TTN: variants seen among roughly 807,000 people sequenced by gnomAD.
The protein encoded by TTN is connectin.
Under a neutral mutation model 3,223.0 loss-of-function variants are expected in TTN, and 1,525 were observed. The observed-to-expected ratio is 0.47, with a 90% CI of 0.45 to 0.49. TTN has a LOEUF of 0.49. Ranked by LOEUF, TTN falls within the 20% of genes least tolerant of loss-of-function variation. The pLI is 0.00. For missense variants in TTN, 40,786 were observed against 43,424.0 expected (o/e 0.94, Z 5.40); for synonymous variants, 14,094 against 15,161.0 (o/e 0.93, Z 5.17).
chr2:178,686,868 G>A (rs1388357377), intron 127 of TTN, among the ~76,000 whole-genome samples: 1 of 152,216 alleles, frequency 6.6e-6, no homozygotes, highest in Non-Finnish European at 1.5e-5. Context: ...AGTACTACAG[G>A]AAGTTTATAG....
rs1027065276 is a variant in TTN, at chr2:178,601,616, A to G, written c.55432+42T>C. 3.8e-6 allele frequency: 6 copies of G among 1,582,604 alleles called. No individual in the cohort carries two copies. In the African/African-American group the frequency reaches 5.5e-5, roughly 14 times the overall value. ...CAACGTTCCTTAAATGCTTAAAAAT[A>G]ATTTGTTTTTATTCTGTAGCAACTT... is the stretch of plus-strand genomic sequence containing the variant. On this transcript the variant is annotated intron_variant, in intron 286 of 362. Transcript: ENST00000589042.
At chr2:178,546,557 A>G in intron 341 of TTN, 43 bp downstream of exon 341, 1 of 1,593,854 alleles carries the variant, frequency 6.3e-7, no homozygotes, top group Non-Finnish European at 8.6e-7. Context: ...TTTTCACATA[A>G]ATTGAGATAA....
Position 178,617,005 on chromosome 2 carries a change from T to C in TTN, c.47884A>G (p.Thr15962Ala), listed in dbSNP as rs138035331. The stretch of plus-strand genomic sequence containing the variant: ...TCTTTAAATGCACTTAAATCCATTG[T>C]TGGTTCAACTACAAAGAAGAAAAGT... ...LTADDAFVEP[T>A]MDLSAFKDGL... Residue 15962 changes from threonine to alanine, a missense_variant, in exon 256 of 363, where the codon ACA becomes GCA. Coordinates refer to ENST00000589042, the MANE Select transcript of TTN (RefSeq NM_001267550.2). 1.3e-5 allele frequency: 21 copies of C among 1,612,390 alleles called. No homozygotes were observed. The East Asian group carries it at 4.5e-4, about 34-fold the overall frequency.
chr2:178,680,104 A>C, intron 139 of TTN, 49 bp from the exon 140 acceptor site: 1 of 1,602,070 alleles, frequency 6.2e-7, no homozygotes, highest in African/African-American at 1.4e-5. Context: ...GACTCAACAA[A>C]ATTAAGACAC....
At position 178,564,399 on chromosome 2, in the gene TTN, C is replaced by G. The variant is rs777316227; in HGVS notation, c.81733G>C (p.Val27245Leu). The change falls in exon 326 of 363, where the codon GTA becomes CTA. Residue 27245 changes from valine to leucine, a missense_variant. By Grantham distance (32) the Val-to-Leu change is conservative (BLOSUM62 1). Coordinates refer to ENST00000589042, the MANE Select transcript of TTN (RefSeq NM_001267550.2). ...LVEDQRYEFR[V>L]IARNAAGNFS... ...TTTCCAGCTGCATTTCTTGCAATTA[C>G]TCTAAATTCATATCTTTGGTCTTCT... 9.3e-6 allele frequency: 15 copies of G among 1,613,570 alleles called. No homozygotes were observed. The highest frequency in any genetic ancestry group is 1.3e-5 in the Non-Finnish European group (15 of 1,179,736).
At chr2:178,542,973 T>G in intron 347 of TTN, 24 bp from the exon 348 acceptor site, 1 of 1,562,314 alleles carries the variant, frequency 6.4e-7, no homozygotes, top group South Asian at 1.2e-5. Context: ...ATCAGGCATT[T>G]ATTCTTAAGC....
At chr2:178,638,464 A>T (rs1019441130) in intron 223 of TTN, among the ~76,000 whole-genome samples, 8 of 151,490 alleles carry the variant, frequency 5.3e-5, no homozygotes, top group Non-Finnish European at 1.2e-4. Flanking sequence ...AAATTAAATT[A>T]AAAAATTTCT....
rs754037471 is a variant in TTN at position 178,548,385 on chromosome 2, C to G, written c.93241G>C (p.Ala31081Pro). The change falls in exon 339 of 363, where the codon GCC becomes CCC. Residue 31081 changes from alanine (A) to proline (P), a missense_variant. Transcript: ENST00000589042. This position sits in a 1 kb window ranked among gnomAD's most constrained non-coding sequence, Gnocchi z 4.3. ...CGGAAATAGTACGGAACACCTTCGG[C>G]CAGGTCATTGACCTTGAAGATCTGA... ...TRQIFKVNDL[A>P]EGVPYYFRVS... 6.2e-7 allele frequency: 1 copy of G among 1,613,834 alleles called. No individual in the cohort carries two copies. The highest frequency in any genetic ancestry group is 1.1e-5 in the South Asian group (1 of 91,074).
In TTN at chr2:178,718,482, C is replaced by T. The variant is rs755684790; in HGVS notation, c.24624G>A (p.Glu8208=). The change falls in exon 85 of 363, where the codon GAG becomes GAA. Residue 8208 remains glutamate, a synonymous_variant. Transcript: ENST00000589042. ...PPISVSWIKD[E]YLISQSERCS... is the part of the protein sequence containing the mutation. ...ATCTCTCAGATTGTGAAATAAGATA[C>T]TCGTCCTTTATCCAGCTCACTGAGA... 6.2e-7 allele frequency: 1 copy of T among 1,613,698 alleles called. No individual in the cohort carries two copies. Among genetic ancestry groups the T allele is most frequent in the South Asian group, 1.1e-5 (1 of 91,080 alleles).
intron 22 of TTN, 30 bp from the exon 23 acceptor site, chr2:178,779,492 A>G (rs1269453416): frequency 7.7e-7 from 1 of 1,305,120 alleles, no homozygotes; most frequent in African/African-American, 1.5e-5. Flanking sequence ...TCTGTTAAAA[A>G]TACATATCCT....
In TTN at chr2:178,567,861, G is replaced by A; in HGVS notation, c.78271C>T (p.Pro26091Ser). ...ECYVARDPCD[P>S]PGTPEPIMVK... ...ATTATTGGTTCTGGGGTTCCTGGTG[G>A]GTCACAGGGATCTCTGGCTACATAG... is the stretch of plus-strand genomic sequence containing the variant. The change falls in exon 326 of 363, where the codon CCA becomes TCA. Residue 26091 changes from proline (P) to serine (S), a missense_variant. Physicochemically the swap from Pro to Ser is moderately conservative, Grantham distance 74. Coordinates refer to ENST00000589042, the MANE Select transcript of TTN (RefSeq NM_001267550.2). 6.2e-7 allele frequency: 1 copy of A among 1,613,372 alleles called. No individual in the cohort carries two copies. The highest frequency in any genetic ancestry group is 8.5e-7 in the Non-Finnish European group (1 of 1,179,570).
intron 316 of TTN, among the ~76,000 whole-genome samples, chr2:178,581,205 C>CT (rs1192507868): frequency 6.6e-6 from 1 of 151,964 alleles, no homozygotes. Context: ...TAAAAGGCCT[C>CT]TTTATTCCTA....
In TTN at chr2:178,715,598, C is replaced by T. The variant is rs1453874617; in HGVS notation, c.25816G>A (p.Val8606Met). 1 of 1,613,664 alleles carries T rather than the reference C, an allele frequency of 6.2e-7. No homozygotes were observed. The highest frequency in any genetic ancestry group is 2.2e-5 in the East Asian group (1 of 44,864). The change falls in exon 89 of 363, where the codon GTG becomes ATG. Residue 8606 changes from valine to methionine, a missense_variant. By Grantham distance (21) the Val-to-Met change is conservative. Coordinates refer to ENST00000589042, the MANE Select transcript of TTN (RefSeq NM_001267550.2). ...FRMSFVDSVA[V>M]LEMHNLSVED... is the part of the protein sequence containing the mutation. ...ACACTGAGATTGTGCATTTCCAGCA[C>T]AGCCACCGAGTCAACGAATGACATT...
In TTN at chr2:178,782,602, A is replaced by C. The variant is rs374667907; in HGVS notation, c.3101T>G (p.Val1034Gly). Reference sequence around the variant, plus strand: ...GGTTTCCTTTTCAAATTCTTCTGACACTAAAAGAAGACAAAAGTTTCTCAT... The same window carrying C: ...GGTTTCCTTTTCAAATTCTTCTGACCCTAAAAGAAGACAAAAGTTTCTCAT... The part of the protein sequence containing the change: ...VSTSCYLAVQ[V>G]SEEFEKETTA... Residue 1034 changes from valine to glycine, a missense_variant and splice_region_variant, in exon 19 of 363, where the codon GTG (valine) becomes GGG (glycine). Val to Gly is a moderately radical substitution (Grantham distance 109). Coordinates refer to ENST00000589042, the MANE Select transcript of TTN (RefSeq NM_001267550.2). The C allele has an allele frequency of 6.2e-7, 1 of 1,613,946 alleles. No homozygotes were observed. The highest frequency in any genetic ancestry group is 1.3e-5 in the African/African-American group (1 of 75,058).
Position 178,725,432 on chromosome 2 carries a change from C to G in TTN, c.20772G>C (p.Lys6924Asn). The G allele has an allele frequency of 6.2e-7, 1 of 1,611,670 alleles. No homozygotes were observed. Among genetic ancestry groups the G allele is most frequent in the Non-Finnish European group, 8.5e-7 (1 of 1,178,708 alleles). ...FAKAEPANAG[K>N]YICQIKNDGG... The stretch of plus-strand genomic sequence containing the variant: ...CATCATTCTTGATTTGGCAGATATA[C>G]TTTCCAGCATTAGCTGGCTCTGCTT... Residue 6924 changes from lysine (K) to asparagine (N), a missense_variant, in exon 71 of 363, where the codon AAG (lysine) becomes AAC (asparagine). By Grantham distance (94) the Lys-to-Asn change is moderately conservative. Transcript: ENST00000589042.
At position 178,790,692 on chromosome 2, in the gene TTN, G is replaced by A. The variant is rs754460012; in HGVS notation, c.1800+16C>T. ...ATGGTGCAAGAGTGACTTTCACATT[G>A]GCAGGAAGTCATCACCTTTTCATAA... On this transcript the variant is annotated intron_variant, in intron 11 of 362. Coordinates refer to ENST00000589042, the MANE Select transcript of TTN (RefSeq NM_001267550.2). 2 of 1,613,916 alleles carry A rather than the reference G, an allele frequency of 1.2e-6. No individual in the cohort carries two copies. The highest frequency in any genetic ancestry group is 3.3e-5 in the Admixed American group (2 of 59,996).
chr2:178,710,846 C>G lies in TTN; in HGVS notation c.28251G>C (p.Glu9417Asp), dbSNP rs773169301. 5 of 1,613,748 alleles carry G rather than the reference C, an allele frequency of 3.1e-6. No homozygotes were observed. In the East Asian group the frequency reaches 1.1e-4, roughly 36 times the overall value. ...DAVVGESADF[E>D]CHVTGTQPIK... ...TCGGTTGTGTGCCCGTGACGTGGCA[C>G]TCAAAGTCAGCACTTTCTCCCACCA... is the stretch of plus-strand genomic sequence containing the variant. The change falls in exon 98 of 363, where the codon GAG (glutamate) becomes GAC (aspartate). Residue 9417 changes from glutamate (E) to aspartate (D), a missense_variant. Glu to Asp is a conservative substitution (Grantham distance 45). Coordinates refer to ENST00000589042, the MANE Select transcript of TTN (RefSeq NM_001267550.2).
chr2:178,766,672 C>T, intron 40 of TTN, 60 bp from the exon 41 acceptor site: 1 of 1,351,794 alleles, frequency 7.4e-7, no homozygotes, highest in Non-Finnish European at 1.1e-6. Context: ...GCTCTGGTTT[C>T]CTCCCAGTTA....
In TTN at chr2:178,587,693, C is replaced by T; in HGVS notation, c.63616G>A (p.Val21206Ile). The change falls in exon 306 of 363, where the codon GTC becomes ATC. Residue 21206 changes from valine (V) to isoleucine (I), a missense_variant. Coordinates refer to ENST00000589042, the MANE Select transcript of TTN (RefSeq NM_001267550.2). ...AIVRGRPAPK[V>I]TWRKVGIDNV... ...TCAATGCCAACTTTTCGCCAAGTGACTTTAGGGGCTGGTCGTCCTCTCACT... is the reference window on the plus strand; with the variant it reads ...TCAATGCCAACTTTTCGCCAAGTGATTTTAGGGGCTGGTCGTCCTCTCACT... 6.2e-7 allele frequency: 1 copy of T among 1,612,944 alleles called. No individual in the cohort carries two copies.
Sources: gnomAD v4.1 joint callset for allele counts (sites outside exome capture counted in the v4.1 genomes callset) on GRCh38, gnomAD v4.1.1 for gene constraint, Gnocchi (gnomAD v3.1) non-coding constraint, MANE v1.5 for transcripts, NCBI Gene and HGNC (gene_info 2026-07-23, HGNC 2026-07-21) for gene names.